SCRIB: variants seen among roughly 807,000 people sequenced by gnomAD.
SCRIB encodes scribble planar cell polarity protein.
Under a neutral mutation model 170.0 loss-of-function variants are expected in SCRIB, and 72 were observed. That is an observed-to-expected ratio of 0.42 (90% CI 0.35 to 0.52). The LOEUF (loss-of-function observed/expected upper bound fraction) is 0.52, where lower values mean the gene tolerates loss of function less well. Among genes scored for constraint, SCRIB ranks in the 20% least tolerant of loss-of-function variants. The pLI is 0.02. For missense variants in SCRIB, 2,475 were observed against 2,338.5 expected, an observed-to-expected ratio of 1.06 and a Z score of -1.20; for synonymous variants, 1,298 against 1,044.3, an observed-to-expected ratio of 1.24 and a Z score of -4.68.
chr8:143,803,053 G>A (rs1815238439), intron 24 of SCRIB, among the ~76,000 whole-genome samples: 1 of 152,222 alleles, frequency 6.6e-6, no homozygotes, highest in Admixed American at 6.5e-5. Flanking sequence ...AGCCTGATGG[G>A]ACTCTGCAGG....
chr8:143,809,857 C>A (rs1009563345), intron 13 of SCRIB, 139 bp from the exon 14 acceptor site: 4 of 960,188 alleles, frequency 4.2e-6, no homozygotes, highest in Non-Finnish European at 6.1e-6. Context: ...CACGCCCTCG[C>A]AGCTGCTCCC....
intron 4 of SCRIB, 31 bp downstream of exon 4, chr8:143,813,606 C>G (rs941863600): frequency 1.2e-6 from 2 of 1,612,524 alleles, no homozygotes; most frequent in African/African-American, 1.3e-5. Context: ...GTCCCCCACC[C>G]CACCCTAGTT....
chr8:143,804,759 G>C lies in SCRIB; in HGVS notation c.2818C>G (p.Pro940Ala), dbSNP rs782086241. 1 of 1,604,176 alleles carries C rather than the reference G, an allele frequency of 6.2e-7. No homozygotes were observed. Among genetic ancestry groups the C allele is most frequent in the Non-Finnish European group, 8.5e-7 (1 of 1,176,994 alleles). Reference protein sequence around the residue: ...HAVSLLTAASPTIALLLEREA... With the variant: ...HAVSLLTAASATIALLLEREA... ...CGCTCCAACAGCAGGGCGATGGTGG[G>C]GGAGGCAGCGGTCAGCAGGGAGACG... Residue 940 changes from proline (P) to alanine (A), a missense_variant, in exon 21 of 37, where the codon CCC becomes GCC. By Grantham distance (27) the Pro-to-Ala change is conservative (BLOSUM62 -1). Transcript: ENST00000356994.
chr8:143,810,602 G>T lies in SCRIB; in HGVS notation c.1407C>A (p.Gly469=), dbSNP rs1290150305. 6.2e-7 allele frequency: 1 copy of T among 1,613,298 alleles called. No homozygotes were observed. The highest frequency in any genetic ancestry group is 1.3e-5 in the African/African-American group (1 of 74,926). Residue 469 remains glycine (G), a splice_region_variant and synonymous_variant, in exon 13 of 37, where the codon GGC becomes GGA. Coordinates refer to ENST00000356994, the MANE Select transcript of SCRIB (RefSeq NM_182706.5). ...GGTGAGGTGTGGCCCGGCGCTGTAG[G>T]CCCTGTTGTAGGGACAAGGATGAGC... ...DAEEAAAEKR[G]LQRRATPHPS...
chr8:143,807,615 C>G lies in SCRIB; in HGVS notation c.2116-1G>C. 1 of 1,613,714 alleles carries G rather than the reference C, an allele frequency of 6.2e-7. No homozygotes were observed. Among genetic ancestry groups the G allele is most frequent in the Non-Finnish European group, 8.5e-7 (1 of 1,179,676 alleles). On this transcript the variant is annotated splice_acceptor_variant, in intron 15 of 36. Coordinates refer to ENST00000356994, the MANE Select transcript of SCRIB (RefSeq NM_182706.5). LOFTEE classifies it high-confidence loss of function. Reference sequence around the variant, plus strand: ...TATTGGCCTGGTCAAACGACACTCCCTGTTAGGACAGGACCAGTGAGGCAT... The same window carrying G: ...TATTGGCCTGGTCAAACGACACTCCGTGTTAGGACAGGACCAGTGAGGCAT...
intron 23 of SCRIB, 32 bp downstream of exon 23, chr8:143,803,615 G>A: frequency 1.7e-6 from 1 of 576,044 alleles, no homozygotes; most frequent in Non-Finnish European, 3.0e-6. Flanking sequence ...GGGGGGTGGG[G>A]CCCAGGGCGG....
intron 24 of SCRIB, among the ~76,000 whole-genome samples, chr8:143,797,861 G>A (rs1403589384): frequency 1.3e-5 from 2 of 152,244 alleles, no homozygotes; most frequent in African/African-American, 2.4e-5. Flanking sequence ...GCACGTCCCC[G>A]GCGCAGTGGG....
At chr8:143,809,415 T>C (rs1056674255) in intron 14 of SCRIB, 136 bp downstream of exon 14, 13 of 1,028,832 alleles carry the variant, frequency 1.3e-5, no homozygotes, top group African/African-American at 1.6e-5. Flanking sequence ...AGCCACTCTG[T>C]ACAGGGCAGC....
At chr8:143,797,641 CATG>C (rs1288944671) in intron 24 of SCRIB, among the ~76,000 whole-genome samples, 11 of 152,238 alleles carry the variant, frequency 7.2e-5, no homozygotes, top group African/African-American at 1.7e-4. Context: ...GTGGTAGCTC[CATG>C]ATAATCCCGG....
At chr8:143,795,362 G>C (rs1554633884) in intron 25 of SCRIB, 29 bp from the exon 26 acceptor site, 1 of 1,612,494 alleles carries the variant, frequency 6.2e-7, no homozygotes, top group African/African-American at 1.3e-5. Context: ...AGACCCGTCA[G>C]GCACCACCGG....
Position 143,791,439 on chromosome 8 carries a change from G to A in SCRIB, c.4772C>T (p.Ser1591Leu). Residue 1591 changes from serine (S) to leucine (L), a missense_variant and splice_region_variant, in exon 36 of 37, where the codon TCA becomes TTA. This residue lies in a region of SCRIB where 1,966 missense variants were observed against 1,742.9 expected (regional missense o/e 1.13). Transcript: ENST00000356994. ...PSSRPVYDIQ[S>L]PDFAEELRSL... ...CCTCAACTCCTCAGCAAAGTCCGGT[G>A]ACTGTGATGGGGAGAGTGTTGGTCA... is the stretch of plus-strand genomic sequence containing the variant. The A allele has an allele frequency of 6.2e-7, 1 of 1,610,696 alleles. No individual in the cohort carries two copies. The highest frequency in any genetic ancestry group is 8.5e-7 in the Non-Finnish European group (1 of 1,179,092).
intron 24 of SCRIB, among the ~76,000 whole-genome samples, chr8:143,802,992 G>A (rs1187207817): frequency 6.6e-6 from 1 of 152,222 alleles, no homozygotes; most frequent in Non-Finnish European, 1.5e-5. Flanking sequence ...GCATCCCAAG[G>A]CGTCTGCCTG....
In SCRIB at chr8:143,811,027, G is replaced by A. The variant is rs748224192; in HGVS notation, c.1152C>T (p.Ala384=). The change falls in exon 11 of 37, where the codon GCC becomes GCT. Residue 384 remains alanine (A), a synonymous_variant. Transcript: ENST00000356994. ...GCGCCTGGTTCTCTGCCAGCCACAG[G>A]GCCTTGAGATTGAGGTGGGTGAGCG... ...PFALTHLNLK[A]LWLAENQAQP... 12 of 1,612,356 alleles carry A rather than the reference G, an allele frequency of 7.4e-6. No individual in the cohort carries two copies. The highest frequency in any genetic ancestry group is 6.7e-5 in the African/African-American group (5 of 74,926).
intron 6 of SCRIB, 101 bp downstream of exon 6, chr8:143,813,210 C>G: frequency 6.3e-7 from 1 of 1,588,226 alleles, no homozygotes; most frequent in Non-Finnish European, 8.6e-7. Context: ...CGCCTGCCCT[C>G]CCGAGGTGCC....
Position 143,803,769 on chromosome 8 carries a change from G to T in SCRIB, c.3292C>A (p.Leu1098Ile). The T allele has an allele frequency of 6.2e-7, 1 of 1,601,988 alleles. No homozygotes were observed. The change falls in exon 23 of 37, where the codon CTA becomes ATA. Residue 1098 changes from leucine (L) to isoleucine (I), a missense_variant. Physicochemically the swap from Leu to Ile is conservative, Grantham distance 5. Coordinates refer to ENST00000356994, the MANE Select transcript of SCRIB (RefSeq NM_182706.5). ...LVRRDPAPPG[L>I]RELCIQKAPG... is the part of the protein sequence containing the mutation. Reference sequence around the variant, plus strand: ...GCCTTCTGGATGCACAGTTCCCGTAGGCCCGGGGGTGCCGGGTCCCTCCGC... The same window carrying T: ...GCCTTCTGGATGCACAGTTCCCGTATGCCCGGGGGTGCCGGGTCCCTCCGC...
chr8:143,794,888 C>T (rs992617292), intron 27 of SCRIB, 150 bp downstream of exon 27: 3 of 671,136 alleles, frequency 4.5e-6, no homozygotes, highest in Non-Finnish European at 7.6e-6. Context: ...ATGTGCCAGG[C>T]TGGGGTAGCC....
At chr8:143,808,476 C>G in intron 15 of SCRIB, 133 bp downstream of exon 15, 1 of 1,070,082 alleles carries the variant, frequency 9.3e-7, no homozygotes, top group Non-Finnish European at 1.3e-6. Flanking sequence ...GACTGTGGAG[C>G]ACACGTGTCC....
intron 25 of SCRIB, 29 bp downstream of exon 25, chr8:143,795,391 T>C (rs1814899270): frequency 1.2e-6 from 2 of 1,612,606 alleles, no homozygotes; most frequent in Non-Finnish European, 1.7e-6. Context: ...TCCCTGGCCC[T>C]GGGGCTGCCG....
intron 9 of SCRIB, among the ~76,000 whole-genome samples, chr8:143,811,550 C>T (rs1815722678): frequency 6.6e-6 from 1 of 152,146 alleles, no homozygotes; most frequent in African/African-American, 2.4e-5. Context: ...CTGCCCACTG[C>T]CCTCAGCCTT....
Sources: gnomAD v4.1 joint callset for allele counts (sites outside exome capture counted in the v4.1 genomes callset) on GRCh38, gnomAD v4.1.1 for gene constraint, gnomAD v4.1.1 regional missense constraint, MANE v1.5 for transcripts, NCBI Gene and HGNC (gene_info 2026-07-23, HGNC 2026-07-21) for gene names.